Variants in ARMC9 observed in about 807,000 individuals in gnomAD.
ARMC9 encodes lisH domain-containing protein ARMC9.
Under a neutral mutation model 107.0 loss-of-function variants are expected in ARMC9, and 94 were observed. The ratio of observed to expected loss-of-function variants is 0.88; its 90% CI spans 0.74 to 1.04. The LOEUF (loss-of-function observed/expected upper bound fraction) is 1.04, where lower values mean the gene tolerates loss of function less well. Among genes scored for constraint, ARMC9 ranks in the 50% least tolerant of loss-of-function variants. The probability of loss-of-function intolerance (pLI) is 0.00; values close to 1 mark genes in which losing one functional copy is unlikely to be tolerated. For missense variants in ARMC9, 942 were observed against 1,030.1 expected (o/e 0.91, Z 1.17); for synonymous variants, 380 against 396.9 (o/e 0.96, Z 0.51).
chr2:231,227,939 G>A (rs2034808214), intron 7 of ARMC9, among the ~76,000 whole-genome samples: 2 of 152,278 alleles, frequency 1.3e-5, no homozygotes, highest in East Asian at 3.9e-4. Flanking sequence ...CTACAGATAC[G>A]GCCCCATGGG....
intron 10 of ARMC9, among the ~76,000 whole-genome samples, chr2:231,258,456 C>T (rs1414348794): frequency 1.3e-5 from 2 of 152,188 alleles, no homozygotes; most frequent in Non-Finnish European, 1.5e-5. Context: ...GCTGGGATTA[C>T]AGGCCTGAGC....
intron 1 of ARMC9, among the ~76,000 whole-genome samples, chr2:231,203,907 C>T (rs2031521878): frequency 6.6e-6 from 1 of 152,074 alleles, no homozygotes; most frequent in Non-Finnish European, 1.5e-5. Flanking sequence ...TTGCAGTGAG[C>T]CAAGATTGTG....
intron 9 of ARMC9, among the ~76,000 whole-genome samples, chr2:231,241,311 C>T (rs1005169417): frequency 2.0e-5 from 3 of 152,020 alleles, no homozygotes; most frequent in Non-Finnish European, 2.9e-5. Flanking sequence ...CGTCGGTGAT[C>T]GTGTGTCCTC....
intron 19 of ARMC9, among the ~76,000 whole-genome samples, chr2:231,320,558 CA>C (rs59261270): frequency 0.24 from 22,974 of 96,010 alleles, 3,274 homozygotes; most frequent in East Asian, 0.59. Context: ...CCCTCATGGA[CA>C]AAAAAAAAAA....
chr2:231,246,614 A>C (rs2087056485), intron 9 of ARMC9, among the ~76,000 whole-genome samples: 1 of 152,094 alleles, frequency 6.6e-6, no homozygotes, highest in Non-Finnish European at 1.5e-5. Flanking sequence ...GCTGATGGGC[A>C]CCCGGATTGA....
At chr2:231,204,179 A>G (rs77478448) in intron 1 of ARMC9, among the ~76,000 whole-genome samples, 21 of 59,580 alleles carry the variant, frequency 3.5e-4, no homozygotes, top group African/African-American at 2.8e-3. Context: ...GTCTCAGGAA[A>G]AAAAAAAAAA....
intron 21 of ARMC9, 57 bp from the exon 22 acceptor site, chr2:231,355,739 CGG>C (rs2045316038): frequency 6.7e-7 from 1 of 1,485,846 alleles, no homozygotes; most frequent in African/African-American, 1.4e-5. Flanking sequence ...AGTCGGCAGT[CGG>C]CAGTCCGAAT....
chr2:231,268,235 G>C (rs899801044), intron 12 of ARMC9, among the ~76,000 whole-genome samples: 3 of 152,134 alleles, frequency 2.0e-5, no homozygotes, highest in African/African-American at 7.2e-5. Flanking sequence ...CTGGGACTAT[G>C]GTCATGTTCT....
intron 19 of ARMC9, among the ~76,000 whole-genome samples, chr2:231,324,123 C>CTTTTTTTTTTTTTTTTT (rs71296842): frequency 1.1e-5 from 1 of 89,272 alleles, no homozygotes. Flanking sequence ...TTGTAAAGTA[C>CTTTTTTTTTTTTTTTTT]TTTTTTTTTT....
At chr2:231,354,621 A>T (rs1366268851) in intron 21 of ARMC9, among the ~76,000 whole-genome samples, 1 of 152,100 alleles carries the variant, frequency 6.6e-6, no homozygotes, top group Non-Finnish European at 1.5e-5. Flanking sequence ...ACCTCAAGTG[A>T]TCTGCCCGCC....
chr2:231,276,380 C>T (rs763038003), intron 14 of ARMC9, among the ~76,000 whole-genome samples: 10 of 151,810 alleles, frequency 6.6e-5, no homozygotes, highest in Non-Finnish European at 1.3e-4. Context: ...AAGCAATTCT[C>T]GTGCCTCAGC....
In ARMC9 at chr2:231,297,040, A is replaced by T. The variant is rs892215030; in HGVS notation, c.1773+787A>T. 6.6e-6 allele frequency among the ~76,000 whole-genome samples: 1 copy of T among 152,086 alleles called. No individual in the cohort carries two copies. The highest frequency in any genetic ancestry group is 2.4e-5 in the African/African-American group (1 of 41,410). On this transcript the variant is annotated intron_variant, in intron 19 of 24. Coordinates refer to ENST00000611582, the MANE Select transcript of ARMC9 (RefSeq NM_001352754.2). This position sits in a 1 kb window ranked among gnomAD's most constrained non-coding sequence, Gnocchi z 4.2. ...TGTCAGAGGATGTTTTTTTGTTTGG[A>T]GTCGTGGCCTATCAGCTTGTAAAAT...
Position 231,272,846 on chromosome 2 carries a change from AAAC to A in ARMC9, c.1211-108_1211-106del, listed in dbSNP as rs1411362769. 3 of 1,377,682 alleles carry A rather than the reference AAAC, an allele frequency of 2.2e-6. No individual in the cohort carries two copies. The African/African-American group carries it at 4.4e-5, about 20-fold the overall frequency. 85.3% of individuals were successfully genotyped at this position (1,377,682 alleles called of 1,614,324 possible). On this transcript the variant is annotated intron_variant, in intron 13 of 24. Transcript: ENST00000611582. Reference sequence around the variant, plus strand: ...AGTTTTTTAGAACATAAAATTACCCAAACTCTACTGTGTTATATGCAAAGTAAG... The same window carrying A: ...AGTTTTTTAGAACATAAAATTACCCATCTACTGTGTTATATGCAAAGTAAG...
Position 231,276,632 on chromosome 2 carries a change from C to G in ARMC9, c.1335-4C>G. 6.2e-7 allele frequency: 1 copy of G among 1,614,106 alleles called. No homozygotes were observed. Among genetic ancestry groups the G allele is most frequent in the Non-Finnish European group, 8.5e-7 (1 of 1,180,002 alleles). On this transcript the variant is annotated splice_polypyrimidine_tract_variant and splice_region_variant and intron_variant, in intron 14 of 24. Transcript: ENST00000611582. ...TGTATTTACCGTAGGCTCTTTCTTC[C>G]CAGGCGCCCGCTGCAGACAGCGATG...
At chr2:231,317,390 C>T (rs1020932873) in intron 19 of ARMC9, among the ~76,000 whole-genome samples, 5 of 152,124 alleles carry the variant, frequency 3.3e-5, no homozygotes, top group Non-Finnish European at 4.4e-5. Flanking sequence ...AGACTGGTCT[C>T]GAACACCCGA....
chr2:231,316,930 CTT>C (rs1470220285), intron 19 of ARMC9, among the ~76,000 whole-genome samples: 9 of 151,620 alleles, frequency 5.9e-5, no homozygotes, highest in Admixed American at 5.3e-4. Context: ...ACCTGGCTGA[CTT>C]TTGTATTTTT....
chr2:231,314,741 G>A (rs2042565465), intron 19 of ARMC9, among the ~76,000 whole-genome samples: 1 of 152,184 alleles, frequency 6.6e-6, no homozygotes. Flanking sequence ...GGCCAACATT[G>A]CAAAGATTTT....
chr2:231,303,383 T>C (rs981277471), intron 19 of ARMC9, among the ~76,000 whole-genome samples: 4 of 152,248 alleles, frequency 2.6e-5, no homozygotes, highest in African/African-American at 9.6e-5. Flanking sequence ...CTAGAGACTC[T>C]AGTACAATGC....
intron 9 of ARMC9, among the ~76,000 whole-genome samples, chr2:231,241,381 A>G (rs2036289142): frequency 6.6e-6 from 1 of 152,028 alleles, no homozygotes; most frequent in Admixed American, 6.6e-5. Flanking sequence ...ACCAGGAGAG[A>G]CACTGTTGTC....
Sources: allele counts gnomAD v4.1 joint callset (sites outside exome capture counted in the v4.1 genomes callset), GRCh38; gene constraint gnomAD v4.1.1; non-coding constraint Gnocchi (gnomAD v3.1); transcripts MANE v1.5; gene names NCBI Gene and HGNC (gene_info 2026-07-23, HGNC 2026-07-21).